Variants in PHLPP1 observed in about 807,000 individuals in gnomAD.
PHLPP1 encodes the protein PH domain leucine-rich repeat-containing protein phosphatase 1.
PHLPP1 carries 42 observed loss-of-function variants against 117.2 expected under a neutral mutation model. The observed-to-expected ratio is 0.36, with a 90% CI of 0.28 to 0.46. The LOEUF is 0.46. Ranked by LOEUF, PHLPP1 falls within the 20% of genes least tolerant of loss-of-function variation. The probability of loss-of-function intolerance (pLI) is 1.00; values close to 1 mark genes in which losing one functional copy is unlikely to be tolerated. For synonymous variants in PHLPP1, 1,042 were observed against 970.7 expected (o/e 1.07, Z -1.37); for missense variants, 2,084 against 2,241.9 (o/e 0.93, Z 1.42).
intron 4 of PHLPP1, among the ~76,000 whole-genome samples, chr18:62,862,805 T>C (rs1347863067): frequency 6.6e-6 from 1 of 152,228 alleles, no homozygotes; most frequent in African/African-American, 2.4e-5. Flanking sequence ...GAAATAACTT[T>C]CGTGTGTCAT....
intron 10 of PHLPP1, among the ~76,000 whole-genome samples, chr18:62,922,746 T>C (rs978001823): frequency 6.6e-6 from 1 of 152,232 alleles, no homozygotes; most frequent in East Asian, 1.9e-4. Flanking sequence ...ATAATAATCA[T>C]TCTTTATTCA....
At chr18:62,736,912 G>A (rs1050804589) in intron 1 of PHLPP1, among the ~76,000 whole-genome samples, 3 of 152,102 alleles carry the variant, frequency 2.0e-5, no homozygotes, top group Non-Finnish European at 4.4e-5. Flanking sequence ...CAAAATAAAT[G>A]CTAGCACTAG....
At chr18:62,815,123 T>G (rs1914229657) in intron 1 of PHLPP1, among the ~76,000 whole-genome samples, 1 of 151,858 alleles carries the variant, frequency 6.6e-6, no homozygotes, top group Admixed American at 6.6e-5. Flanking sequence ...GTTCTCTGGA[T>G]TTGACCGTGG....
At chr18:62,928,778 A>G (rs1909722410) in intron 10 of PHLPP1, among the ~76,000 whole-genome samples, 1 of 152,224 alleles carries the variant, frequency 6.6e-6, no homozygotes, top group East Asian at 1.9e-4. Context: ...TAATGGATAA[A>G]CAAACTGTTA....
At chr18:62,940,887 C>T (rs190961662) in intron 10 of PHLPP1, among the ~76,000 whole-genome samples, 250 of 152,298 alleles carry the variant, frequency 1.6e-3, no homozygotes, top group African/African-American at 5.8e-3. Flanking sequence ...CACGCCGTCT[C>T]CTGGATACTG....
rs2122039470 is a variant in PHLPP1, at chr18:62,716,911, G to A, written c.1228G>A (p.Ala410Thr). Residue 410 changes from alanine (A) to threonine (T), a missense_variant, in exon 1 of 17, where the codon GCT becomes ACT. Around this residue, in one of 2 missense-constraint regions of PHLPP1, gnomAD observed 719 missense variants for 636.0 expected, o/e 1.13. Coordinates refer to ENST00000262719, the MANE Select transcript of PHLPP1 (RefSeq NM_194449.4). The surrounding 1 kb of genome is among the most constrained non-coding windows in gnomAD (Gnocchi z 5.7). ...GCAGCCCCTCCCGCTTCCCCAGACG[G>A]CTTCCTCGCCTCAGCCGCAGCAGAA... ...PAQPLPLPQT[A>T]SSPQPQQKAP... is the part of the protein sequence containing the mutation. 6.5e-7 allele frequency: 1 copy of A among 1,532,652 alleles called. No homozygotes were observed. 94.9% of individuals were successfully genotyped at this position (1,532,652 alleles called of 1,614,324 possible).
At chr18:62,735,192 A>G (rs1446525385) in intron 1 of PHLPP1, among the ~76,000 whole-genome samples, 4 of 151,972 alleles carry the variant, frequency 2.6e-5, no homozygotes, top group Middle Eastern at 3.2e-3. Flanking sequence ...CTACAGGTGC[A>G]TGCCACCTGT....
chr18:62,753,731 T>A (rs1415100412), intron 1 of PHLPP1, among the ~76,000 whole-genome samples: 1 of 152,260 alleles, frequency 6.6e-6, no homozygotes, highest in East Asian at 1.9e-4. Context: ...ATTGTTGATG[T>A]ACCTTCCAAC....
intron 1 of PHLPP1, among the ~76,000 whole-genome samples, chr18:62,787,391 C>T (rs1913325366): frequency 6.6e-6 from 1 of 152,142 alleles, no homozygotes; most frequent in South Asian, 2.1e-4. Context: ...TGGTCTCGAA[C>T]TTCTGACCTC....
At chr18:62,759,292 A>G (rs991232730) in intron 1 of PHLPP1, among the ~76,000 whole-genome samples, 3 of 152,242 alleles carry the variant, frequency 2.0e-5, no homozygotes, top group Admixed American at 6.5e-5. Context: ...TGTTTAAAAA[A>G]TGTAATCATT....
At chr18:62,939,260 TGGGATTACA>T (rs955839860) in intron 10 of PHLPP1, among the ~76,000 whole-genome samples, 1 of 152,156 alleles carries the variant, frequency 6.6e-6, no homozygotes, top group African/African-American at 2.4e-5. Context: ...CCCAAAGTGC[TGGGATTACA>T]GGTGTGAGCC....
chr18:62,967,215 C>CTAT (rs1910928637), intron 14 of PHLPP1, among the ~76,000 whole-genome samples: 1 of 152,196 alleles, frequency 6.6e-6, no homozygotes, highest in African/African-American at 2.4e-5. Context: ...CAGTTACATA[C>CTAT]AGGTTTTTTA....
At chr18:62,790,271 T>C (rs1269033682) in intron 1 of PHLPP1, among the ~76,000 whole-genome samples, 1 of 152,154 alleles carries the variant, frequency 6.6e-6, no homozygotes, top group Admixed American at 6.5e-5. Context: ...ACTACAGAAT[T>C]TCAATAAAAC....
intron 3 of PHLPP1, among the ~76,000 whole-genome samples, chr18:62,854,490 G>A (rs145962397): frequency 2.2e-3 from 332 of 152,232 alleles, no homozygotes; most frequent in African/African-American, 7.5e-3. Context: ...TGCTTCTCCC[G>A]AGGAGGACTC....
chr18:62,855,942 C>T (rs892408087), intron 3 of PHLPP1, among the ~76,000 whole-genome samples: 1 of 152,172 alleles, frequency 6.6e-6, no homozygotes, highest in South Asian at 2.1e-4. Context: ...AAGTACTCAA[C>T]GTGGGGTTAT....
At chr18:62,815,589 G>A (rs139776560) in intron 1 of PHLPP1, among the ~76,000 whole-genome samples, 1 of 152,150 alleles carries the variant, frequency 6.6e-6, no homozygotes, top group East Asian at 1.9e-4. Context: ...GTATCCTCAC[G>A]ACAGGGCAGC....
chr18:62,807,495 GTTT>G (rs1913984540), intron 1 of PHLPP1, among the ~76,000 whole-genome samples: 1 of 152,168 alleles, frequency 6.6e-6, no homozygotes, highest in African/African-American at 2.4e-5. Flanking sequence ...GGACTAAGAT[GTTT>G]TTACATTCAT....
Position 62,857,273 on chromosome 18 carries a change from GTGTAT to G in PHLPP1, c.1900-3155_1900-3151del, listed in dbSNP as rs554912455. 1.7e-4 allele frequency among the ~76,000 whole-genome samples: 25 copies of G among 150,690 alleles called. No individual in the cohort carries two copies. The South Asian group carries it at 3.7e-3, about 23-fold the overall frequency. ...ATCCATCTAATATATGGAGGTGTGT[GTGTAT>G]TGTATTAAAAATTGTTTTCATAAAT... On this transcript the variant is annotated intron_variant, in intron 3 of 16. Transcript: ENST00000262719.
chr18:62,772,719 T>C (rs1912824425), intron 1 of PHLPP1, among the ~76,000 whole-genome samples: 1 of 150,426 alleles, frequency 6.6e-6, no homozygotes, highest in Admixed American at 6.7e-5. Flanking sequence ...TAGTACCAGC[T>C]ACTTGGGGGG....
Sources: allele counts gnomAD v4.1 joint callset (sites outside exome capture counted in the v4.1 genomes callset), GRCh38; gene constraint gnomAD v4.1.1; regional missense constraint gnomAD v4.1.1; non-coding constraint Gnocchi (gnomAD v3.1); transcripts MANE v1.5; gene names NCBI Gene and HGNC (gene_info 2026-07-23, HGNC 2026-07-21).